Variants in ZNF33B observed in about 807,000 individuals in gnomAD.
The protein encoded by ZNF33B is zinc finger protein 11b (KOX 2).
Under a neutral mutation model 45.8 loss-of-function variants are expected in ZNF33B, and 29 were observed. The observed-to-expected ratio is 0.63, with a 90% CI of 0.47 to 0.86. The LOEUF is 0.86. Ranked by LOEUF, ZNF33B falls within the 40% of genes least tolerant of loss-of-function variation. The pLI, the probability that ZNF33B is intolerant of heterozygous loss-of-function variation, is 0.00. For missense variants in ZNF33B, 831 were observed against 909.9 expected (o/e 0.91, Z 1.12); for synonymous variants, 305 against 307.8 (o/e 0.99, Z 0.10).
chr10:42,632,063 T>C (rs1189806130), intron 3 of ZNF33B, 39 bp from the exon 4 acceptor site: 3 of 1,601,826 alleles, frequency 1.9e-6, no homozygotes, highest in Admixed American at 1.7e-5. Flanking sequence ...GACCAAGCAG[T>C]CTAGACTTCA....
In ZNF33B at chr10:42,592,796, C is replaced by G; in HGVS notation, c.2154G>C (p.Glu718Asp). The change falls in exon 5 of 5, where the codon GAG becomes GAC. Residue 718 changes from glutamate (E) to aspartate (D), a missense_variant. Coordinates refer to ENST00000359467, the MANE Select transcript of ZNF33B (RefSeq NM_006955.3). Reference sequence around the variant, plus strand: ...CACATTCATTACACTGACAAGATTTCTCTCCTGTGTGAGCCCTGTGATGTA... The same window carrying G: ...CACATTCATTACACTGACAAGATTTGTCTCCTGTGTGAGCCCTGTGATGTA... Reference protein sequence around the residue: ...LTVHHRAHTGEKSCQCNECGK... With the variant: ...LTVHHRAHTGDKSCQCNECGK... 1 of 1,614,140 alleles carries G rather than the reference C, an allele frequency of 6.2e-7. No individual in the cohort carries two copies. The highest frequency in any genetic ancestry group is 8.5e-7 in the Non-Finnish European group (1 of 1,179,998).
intron 4 of ZNF33B, among the ~76,000 whole-genome samples, chr10:42,626,485 T>C (rs1838812007): frequency 6.6e-6 from 1 of 152,074 alleles, no homozygotes; most frequent in Non-Finnish European, 1.5e-5. Context: ...GTCAGGAGTT[T>C]GAAACCAGCC....
intron 4 of ZNF33B, chr10:42,631,707 G>A (rs529089062): frequency 1.0e-5 from 5 of 495,390 alleles, no homozygotes; most frequent in Non-Finnish European, 7.2e-6. Context: ...ATTGGCAGGT[G>A]TAAGAATGGT....
At chr10:42,580,621 G>T (rs1347759110) in intron 1 of ZNF33B, among the ~76,000 whole-genome samples, 2 of 151,462 alleles carry the variant, frequency 1.3e-5, no homozygotes, top group African/African-American at 2.4e-5. Context: ...GTGGAAAAAT[G>T]GATATAAAAA....
At chr10:42,637,117 TA>T in intron 1 of ZNF33B, 145 bp from the exon 2 acceptor site, 1 of 715,566 alleles carries the variant, frequency 1.4e-6, no homozygotes. Context: ...CACTTCGGAA[TA>T]GGGGGTAGAA....
chr10:42,598,198 T>A (rs1837478865), intron 4 of ZNF33B, among the ~76,000 whole-genome samples: 1 of 152,188 alleles, frequency 6.6e-6, no homozygotes. Flanking sequence ...TGTCCACAAG[T>A]ATGCTTTTAT....
intron 4 of ZNF33B, among the ~76,000 whole-genome samples, chr10:42,598,296 G>A (rs1368848141): frequency 6.6e-6 from 1 of 152,250 alleles, no homozygotes; most frequent in Non-Finnish European, 1.5e-5. Flanking sequence ...TATTTCCTAA[G>A]AATGGCAGAG....
At position 42,617,092 on chromosome 10, in the gene ZNF33B, C is replaced by CTTTTTTTTTTTTTT. The variant is rs199977911; in HGVS notation, c.250+14823_250+14836dup. ...TTGAAGAAAATTGTTCATTTTTTCT[C>CTTTTTTTTTTTTTT]TTTTTTTTTTTTTTTTTTTTTTTTT... On this transcript the variant is annotated intron_variant, in intron 4 of 4. Transcript: ENST00000359467. Among the ~76,000 whole-genome samples the CTTTTTTTTTTTTTT allele has an allele frequency of 9.8e-5, 6 of 61,198 alleles. 2 individuals are homozygous for CTTTTTTTTTTTTTT. Among genetic ancestry groups the CTTTTTTTTTTTTTT allele is most frequent in the Non-Finnish European group, 1.3e-4 (4 of 31,934 alleles). The allele number at this position is 61,198 out of a possible 152,430, so 40.1% of individuals were successfully genotyped here. A position where few individuals can be genotyped will look rare whatever the true frequency, so the allele number is the denominator to read the frequency against.
At chr10:42,638,152 C>G (rs1839417958) in intron 1 of ZNF33B, among the ~76,000 whole-genome samples, 1 of 152,262 alleles carries the variant, frequency 6.6e-6, no homozygotes, top group South Asian at 2.1e-4. Context: ...GGGCCGCGCC[C>G]TAGCACATGG....
intron 1 of ZNF33B, among the ~76,000 whole-genome samples, chr10:42,576,876 T>C (rs1836756034): frequency 2.0e-5 from 3 of 151,962 alleles, no homozygotes; most frequent in East Asian, 1.9e-4. Flanking sequence ...CTCATGCCTA[T>C]AATCCCAGCA....
At chr10:42,601,819 T>C (rs1837634925) in intron 4 of ZNF33B, among the ~76,000 whole-genome samples, 1 of 152,054 alleles carries the variant, frequency 6.6e-6, no homozygotes, top group Admixed American at 6.6e-5. Flanking sequence ...GTTTCATTTG[T>C]ATGGCTTCTA....
chr10:42,577,132 CAAAAAAAAAA>C (rs71014272), intron 1 of ZNF33B, among the ~76,000 whole-genome samples: 2 of 81,662 alleles, frequency 2.4e-5, no homozygotes, highest in African/African-American at 5.1e-5. Context: ...GACTCCATCT[CAAAAAAAAAA>C]AAAAAAAAAA....
intron 2 of ZNF33B, among the ~76,000 whole-genome samples, chr10:42,634,179 C>A (rs1364452897): frequency 1.3e-5 from 2 of 151,820 alleles, no homozygotes; most frequent in East Asian, 3.9e-4. Flanking sequence ...TAAAGGCAGG[C>A]AGCTCACTTG....
intron 4 of ZNF33B, among the ~76,000 whole-genome samples, chr10:42,624,369 A>T (rs1156596918): frequency 6.6e-6 from 1 of 152,162 alleles, no homozygotes; most frequent in Admixed American, 6.5e-5. Flanking sequence ...ATGTTCTATC[A>T]ATGTGTATAT....
chr10:42,634,658 G>A (rs1839209571), intron 2 of ZNF33B, among the ~76,000 whole-genome samples: 1 of 152,088 alleles, frequency 6.6e-6, no homozygotes, highest in Non-Finnish European at 1.5e-5. Context: ...ACACATAATT[G>A]ATGAAAATAT....
chr10:42,635,642 TCTA>T (rs1385205712), intron 2 of ZNF33B, among the ~76,000 whole-genome samples: 22 of 150,782 alleles, frequency 1.5e-4, no homozygotes, highest in Middle Eastern at 3.4e-3. Context: ...AAACCCTGTC[TCTA>T]CTAAAAATAC....
intron 4 of ZNF33B, among the ~76,000 whole-genome samples, chr10:42,622,951 T>C (rs1359019570): frequency 6.6e-6 from 1 of 152,130 alleles, no homozygotes; most frequent in African/African-American, 2.4e-5. Flanking sequence ...AACTATGACA[T>C]AAAATGGATA....
In ZNF33B at chr10:42,603,517, C is replaced by CATACACAT. The variant is rs541240735; in HGVS notation, c.251-8819_251-8818insATGTGTAT. Reference sequence around the variant, plus strand: ...TTCCTATCTACCAGAAACACTCATACAAATACATACACAGATTTTCCACAG... The same window carrying CATACACAT: ...TTCCTATCTACCAGAAACACTCATACATACACATAAATACATACACAGATTTTCCACAG... On this transcript the variant is annotated intron_variant, in intron 4 of 4. Transcript: ENST00000359467. 1.9e-3 allele frequency among the ~76,000 whole-genome samples: 282 copies of CATACACAT among 152,272 alleles called. 2 individuals carry two copies. Among genetic ancestry groups the CATACACAT allele is most frequent in the African/African-American group, 6.3e-3 (262 of 41,554 alleles).
In ZNF33B at chr10:42,591,586, A is replaced by ATT. The variant is rs1228146071; in HGVS notation, c.*1025_*1026dup. The ATT allele has an allele frequency of 1.9e-6, 1 of 531,812 alleles. No individual in the cohort carries two copies. Among genetic ancestry groups the ATT allele is most frequent in the East Asian group, 1.5e-4 (1 of 6,772 alleles). 32.9% of individuals were successfully genotyped at this position (531,812 alleles called of 1,614,324 possible). ...TTAGGATACCTACTTCCTATTCACAATTACGTTAAATACCATTATGCATAT... is the reference window on the plus strand; with the variant it reads ...TTAGGATACCTACTTCCTATTCACAATTTTACGTTAAATACCATTATGCATAT... On this transcript the variant is annotated 3_prime_UTR_variant, in exon 5 of 5. Transcript: ENST00000359467.
Sources: allele counts gnomAD v4.1 joint callset (sites outside exome capture counted in the v4.1 genomes callset), GRCh38; gene constraint gnomAD v4.1.1; transcripts MANE v1.5; gene names NCBI Gene and HGNC (gene_info 2026-07-23, HGNC 2026-07-21).